Variants in JAZF1 observed in about 807,000 individuals in gnomAD.
JAZF1 encodes JAZF zinc finger 1.
In JAZF1, 8 loss-of-function variants were observed where a neutral mutation model predicts 26.4. The observed-to-expected ratio is 0.30, with a 90% CI of 0.18 to 0.55. JAZF1 has a LOEUF of 0.55. Among genes scored for constraint, JAZF1 ranks in the 20% least tolerant of loss-of-function variants. The pLI is 0.94. For missense variants in JAZF1, 199 were observed against 322.0 expected, an observed-to-expected ratio of 0.62 and a Z score of 2.92; for synonymous variants, 126 against 122.3, an observed-to-expected ratio of 1.03 and a Z score of -0.20.
At chr7:28,113,815 C>A (rs1784700039) in intron 1 of JAZF1, among the ~76,000 whole-genome samples, 1 of 152,160 alleles carries the variant, frequency 6.6e-6, no homozygotes, top group Admixed American at 6.5e-5. Flanking sequence ...AGAAAGAGCT[C>A]CTCATTCAGC....
At chr7:27,870,075 ATTT>A (rs371770357) in intron 3 of JAZF1, among the ~76,000 whole-genome samples, 5,569 of 120,684 alleles carry the variant, frequency 0.046, 99 homozygotes, top group East Asian at 0.15. Context: ...CACCCGGTTA[ATTT>A]TTTTTTTTTT....
At chr7:27,877,806 T>C (rs1783705104) in intron 3 of JAZF1, among the ~76,000 whole-genome samples, 1 of 152,176 alleles carries the variant, frequency 6.6e-6, no homozygotes, top group Non-Finnish European at 1.5e-5. Context: ...ACGTTATTTG[T>C]GGGGATGCAG....
At chr7:28,024,447 G>A (rs1313634560) in intron 1 of JAZF1, among the ~76,000 whole-genome samples, 1 of 152,192 alleles carries the variant, frequency 6.6e-6, no homozygotes, top group African/African-American at 2.4e-5. Context: ...ATTTTGGTGA[G>A]CTAGAGGTAT....
chr7:27,913,385 G>C (rs976876487), intron 2 of JAZF1: 1 of 460,384 alleles, frequency 2.2e-6, no homozygotes, highest in African/African-American at 2.0e-5. Context: ...GAACCAGAAG[G>C]CCATACCTTT....
At chr7:28,078,965 A>G (rs1170761620) in intron 1 of JAZF1, among the ~76,000 whole-genome samples, 1 of 152,010 alleles carries the variant, frequency 6.6e-6, no homozygotes, top group East Asian at 1.9e-4. Context: ...CTTTCTTTAC[A>G]GATGGAAAAT....
At chr7:27,908,600 G>C (rs1784304088) in intron 2 of JAZF1, among the ~76,000 whole-genome samples, 1 of 152,200 alleles carries the variant, frequency 6.6e-6, no homozygotes, top group Non-Finnish European at 1.5e-5. Context: ...GAATGGAGTT[G>C]CTCAGGCTAA....
intron 2 of JAZF1, among the ~76,000 whole-genome samples, chr7:27,969,271 C>T (rs990373493): frequency 6.6e-6 from 1 of 152,130 alleles, no homozygotes; most frequent in African/African-American, 2.4e-5. Flanking sequence ...AAGCCAGATC[C>T]CATTTCTGGT....
intron 1 of JAZF1, among the ~76,000 whole-genome samples, chr7:28,065,194 G>T (rs928989974): frequency 6.6e-6 from 1 of 152,172 alleles, no homozygotes; most frequent in Non-Finnish European, 1.5e-5. Context: ...AGATTTGGGG[G>T]TGGTAGGTTT....
chr7:28,014,138 GT>G (rs1354943102), intron 1 of JAZF1, among the ~76,000 whole-genome samples: 1 of 148,348 alleles, frequency 6.7e-6, no homozygotes, highest in East Asian at 2.0e-4. Context: ...GGGGGTGGGG[GT>G]GGGGAATGCA....
chr7:28,028,821 A>G (rs1562563881), intron 1 of JAZF1, among the ~76,000 whole-genome samples: 1 of 152,182 alleles, frequency 6.6e-6, no homozygotes, highest in Non-Finnish European at 1.5e-5. Flanking sequence ...AAAGACAAAA[A>G]TCCTTGCCAT....
At chr7:27,866,470 T>C (rs1304610673) in intron 3 of JAZF1, among the ~76,000 whole-genome samples, 1 of 152,222 alleles carries the variant, frequency 6.6e-6, no homozygotes, top group Non-Finnish European at 1.5e-5. Flanking sequence ...TTTCCTCATC[T>C]GTAAAATGGA....
chr7:27,936,114 C>G (rs1268714716), intron 2 of JAZF1, among the ~76,000 whole-genome samples: 2 of 152,218 alleles, frequency 1.3e-5, no homozygotes, highest in African/African-American at 4.8e-5. Context: ...CATCATTCTT[C>G]ATTTCTTTTT....
intron 1 of JAZF1, among the ~76,000 whole-genome samples, chr7:28,122,185 T>C (rs1009017489): frequency 3.3e-5 from 5 of 152,190 alleles, no homozygotes; most frequent in African/African-American, 1.2e-4. Context: ...TAAGAATTCA[T>C]GTCTGAGCCA....
chr7:27,948,812 T>G (rs1784960589), intron 2 of JAZF1, among the ~76,000 whole-genome samples: 1 of 152,226 alleles, frequency 6.6e-6, no homozygotes, highest in South Asian at 2.1e-4. Context: ...TACTTGAAGG[T>G]AGTGGTCAAG....
At chr7:27,974,454 T>C (rs916358181) in intron 2 of JAZF1, among the ~76,000 whole-genome samples, 7 of 152,196 alleles carry the variant, frequency 4.6e-5, no homozygotes, top group Admixed American at 4.6e-4. Context: ...CTTAAGGAAC[T>C]TGAGTACAGT....
intron 1 of JAZF1, among the ~76,000 whole-genome samples, chr7:27,995,992 T>C (rs1786006947): frequency 2.0e-5 from 3 of 152,178 alleles, no homozygotes; most frequent in African/African-American, 4.8e-5. Flanking sequence ...GACCACCTTA[T>C]TGTCTCTGTG....
chr7:28,077,517 T>A (rs781177748), intron 1 of JAZF1, among the ~76,000 whole-genome samples: 2 of 152,084 alleles, frequency 1.3e-5, no homozygotes, highest in Non-Finnish European at 2.9e-5. Context: ...GCCTTTTTTT[T>A]TTCTACAACA....
At chr7:27,862,685 A>G (rs1018564692) in intron 3 of JAZF1, among the ~76,000 whole-genome samples, 1 of 152,162 alleles carries the variant, frequency 6.6e-6, no homozygotes, top group Non-Finnish European at 1.5e-5. Flanking sequence ...CTAGTCTGCT[A>G]AGTCAGTGAC....
At chr7:27,855,796 T>C (rs953518626) in intron 3 of JAZF1, among the ~76,000 whole-genome samples, 8 of 152,186 alleles carry the variant, frequency 5.3e-5, no homozygotes, top group African/African-American at 1.9e-4. Context: ...AAAGAGGATC[T>C]GGTACCATTC....
Sources: allele counts gnomAD v4.1 joint callset (sites outside exome capture counted in the v4.1 genomes callset), GRCh38; gene constraint gnomAD v4.1.1; transcripts MANE v1.5; gene names NCBI Gene and HGNC (gene_info 2026-07-23, HGNC 2026-07-21).